Variants in KLHL1 observed in about 807,000 individuals in gnomAD.
KLHL1 encodes kelch-like protein 1.
A neutral mutation model predicts 77.7 loss-of-function variants in KLHL1; 47 were observed. The ratio of observed to expected loss-of-function variants is 0.60; its 90% CI spans 0.48 to 0.77. KLHL1 has a LOEUF of 0.77. KLHL1 is among the 30% of genes least tolerant of loss of function. The probability of loss-of-function intolerance (pLI) is 0.00; values close to 1 mark genes in which losing one functional copy is unlikely to be tolerated. For synonymous variants in KLHL1, 360 were observed against 325.2 expected (o/e 1.11, Z -1.15); for missense variants, 925 against 910.8 (o/e 1.02, Z -0.20).
chr13:70,001,985 A>G (rs1205769405), intron 1 of KLHL1, among the ~76,000 whole-genome samples: 1 of 151,598 alleles, frequency 6.6e-6, no homozygotes, highest in East Asian at 1.9e-4. Flanking sequence ...AGAACTAGAA[A>G]ATAAAGTAAG....
chr13:69,870,739 C>A (rs1033077460), intron 5 of KLHL1, among the ~76,000 whole-genome samples: 1 of 151,784 alleles, frequency 6.6e-6, no homozygotes, highest in African/African-American at 2.4e-5. Context: ...AGGTAACAGG[C>A]CAAATGCAAG....
At chr13:69,973,465 A>G (rs1190189483) in intron 2 of KLHL1, among the ~76,000 whole-genome samples, 2 of 151,578 alleles carry the variant, frequency 1.3e-5, no homozygotes, top group African/African-American at 4.8e-5. Context: ...ATTTATTTTT[A>G]TATTATTTGA....
chr13:70,034,713 A>G (rs747938023), intron 1 of KLHL1, among the ~76,000 whole-genome samples: 1 of 152,192 alleles, frequency 6.6e-6, no homozygotes, highest in Non-Finnish European at 1.5e-5. Flanking sequence ...GAAAGTCGCA[A>G]TCATTTAGGA....
intron 1 of KLHL1, among the ~76,000 whole-genome samples, chr13:70,105,991 A>G (rs1888045803): frequency 6.6e-6 from 1 of 150,610 alleles, no homozygotes; most frequent in Non-Finnish European, 1.5e-5. Flanking sequence ...TAAAAAATAT[A>G]TATAATGTAT....
chr13:69,758,652 A>C (rs2137961283), intron 7 of KLHL1, among the ~76,000 whole-genome samples: 1 of 152,182 alleles, frequency 6.6e-6, no homozygotes, highest in African/African-American at 2.4e-5. Flanking sequence ...CCAGTGAAAA[A>C]TTTAGGAAGT....
At chr13:69,944,534 T>A (rs1593973708) in intron 3 of KLHL1, among the ~76,000 whole-genome samples, 1 of 152,168 alleles carries the variant, frequency 6.6e-6, no homozygotes, top group Non-Finnish European at 1.5e-5. Context: ...GTCTTGGGGA[T>A]CACCCAACAT....
rs796244476 is a variant in KLHL1, at chr13:70,083,121, C to CA, written c.497+24081dup. ...CCAAAGGTGAACATAAGAAGTACAACAAAAAAAAATCCTAGAGTTAAGTTC... is the reference window on the plus strand; with the variant it reads ...CCAAAGGTGAACATAAGAAGTACAACAAAAAAAAAATCCTAGAGTTAAGTTC... On this transcript the variant is annotated intron_variant, in intron 1 of 10. Coordinates refer to ENST00000377844, the MANE Select transcript of KLHL1 (RefSeq NM_020866.3). Among the ~76,000 whole-genome samples the CA allele has an allele frequency of 2.1e-3, 318 of 150,388 alleles. 3 individuals are homozygous for CA. Among genetic ancestry groups the CA allele is most frequent in the Middle Eastern group, 6.8e-3 (2 of 292 alleles).
At chr13:69,864,953 G>A (rs770576954) in intron 5 of KLHL1, among the ~76,000 whole-genome samples, 4 of 152,080 alleles carry the variant, frequency 2.6e-5, no homozygotes, top group Admixed American at 6.6e-5. Context: ...GTTTTATTTC[G>A]TTTTGTTTTC....
intron 1 of KLHL1, among the ~76,000 whole-genome samples, chr13:70,073,767 A>C (rs1243828554): frequency 2.0e-5 from 3 of 151,894 alleles, no homozygotes; most frequent in Admixed American, 2.0e-4. Flanking sequence ...AGAGGGTGAG[A>C]CCTTGTCTCA....
At chr13:69,737,782 C>T (rs372988031) in intron 8 of KLHL1, among the ~76,000 whole-genome samples, 16 of 152,308 alleles carry the variant, frequency 1.1e-4, no homozygotes, top group East Asian at 1.9e-4. Flanking sequence ...TGTAGTATCA[C>T]GCATCAGTGG....
At chr13:69,755,023 T>G (rs916995711) in intron 7 of KLHL1, among the ~76,000 whole-genome samples, 1 of 152,212 alleles carries the variant, frequency 6.6e-6, no homozygotes, top group Non-Finnish European at 1.5e-5. Context: ...TGTTACAGAC[T>G]GAAATGATTT....
At position 69,727,453 on chromosome 13, in the gene KLHL1, C is replaced by T. The variant is rs546727196; in HGVS notation, c.1803-7872G>A. Among the ~76,000 whole-genome samples, 6 of 152,016 alleles carry T rather than the reference C, an allele frequency of 3.9e-5. No homozygotes were observed. The South Asian group carries it at 8.3e-4, about 21-fold the overall frequency. On this transcript the variant is annotated intron_variant, in intron 8 of 10. Transcript: ENST00000377844. ...AATGAAAGGGGAATCTAGGCAGAAA[C>T]GAGTAAGTGAAAAGGCAAAGGGGTG... is the stretch of plus-strand genomic sequence containing the variant.
chr13:69,933,109 C>A (rs1406739985), intron 4 of KLHL1, among the ~76,000 whole-genome samples: 1 of 152,018 alleles, frequency 6.6e-6, no homozygotes, highest in East Asian at 1.9e-4. Context: ...ATTATACTCA[C>A]CCTGACCTTT....
intron 6 of KLHL1, among the ~76,000 whole-genome samples, chr13:69,837,643 T>TAC (rs1423996194): frequency 0.01 from 1,326 of 130,342 alleles, 43 homozygotes; most frequent in African/African-American, 0.031. Flanking sequence ...TATATATATA[T>TAC]GTGTATATAT....
intron 1 of KLHL1, among the ~76,000 whole-genome samples, chr13:70,028,125 A>G (rs994909245): frequency 6.6e-6 from 1 of 152,192 alleles, no homozygotes; most frequent in African/African-American, 2.4e-5. Context: ...AATAATCCAG[A>G]AAGTCCTGGA....
intron 7 of KLHL1, among the ~76,000 whole-genome samples, chr13:69,786,248 A>G (rs1876539496): frequency 6.6e-6 from 1 of 152,218 alleles, no homozygotes; most frequent in African/African-American, 2.4e-5. Flanking sequence ...CATTGATGCA[A>G]AAATCCTCAA....
At chr13:70,032,367 C>A (rs966304729) in intron 1 of KLHL1, among the ~76,000 whole-genome samples, 1 of 151,994 alleles carries the variant, frequency 6.6e-6, no homozygotes, top group Non-Finnish European at 1.5e-5. Flanking sequence ...AAATATCAGC[C>A]CTTAGATTTT....
chr13:70,005,476 A>AT (rs995666271), intron 1 of KLHL1, among the ~76,000 whole-genome samples: 76 of 151,776 alleles, frequency 5.0e-4, no homozygotes, highest in Admixed American at 7.9e-4. Context: ...TGTTTTTTGG[A>AT]TTTTTTTTAG....
chr13:69,907,800 T>C (rs2138237838), intron 4 of KLHL1, among the ~76,000 whole-genome samples: 1 of 152,172 alleles, frequency 6.6e-6, no homozygotes, highest in Admixed American at 6.6e-5. Context: ...TGATTAAGTT[T>C]ATATAAAAAG....
Sources: gnomAD v4.1 joint callset for allele counts (sites outside exome capture counted in the v4.1 genomes callset) on GRCh38, gnomAD v4.1.1 for gene constraint, MANE v1.5 for transcripts, NCBI Gene and HGNC (gene_info 2026-07-23, HGNC 2026-07-21) for gene names.